SGPP1: variants seen among roughly 807,000 people sequenced by gnomAD.
The protein encoded by SGPP1 is sphingosine-1-phosphate phosphatase 1.
Under a neutral mutation model 33.0 loss-of-function variants are expected in SGPP1, and 21 were observed. The observed-to-expected ratio is 0.64, with a 90% CI of 0.45 to 0.92. The LOEUF (loss-of-function observed/expected upper bound fraction) is 0.92. SGPP1 is among the 40% of genes least tolerant of loss of function. SGPP1 has a pLI of 0.00. For missense variants in SGPP1, 543 were observed against 589.4 expected, an observed-to-expected ratio of 0.92 and a Z score of 0.81; for synonymous variants, 239 against 241.2, an observed-to-expected ratio of 0.99 and a Z score of 0.08.
Position 63,727,804 on chromosome 14 carries a change from C to T in SGPP1, c.141G>A (p.Ala47=), listed in dbSNP as rs1885922568. The T allele has an allele frequency of 1.3e-6, 2 of 1,506,276 alleles. No homozygotes were observed. The highest frequency in any genetic ancestry group is 1.4e-5 in the African/African-American group (1 of 69,344). The allele number at this position is 1,506,276 out of a possible 1,614,324, so 93.3% of individuals were successfully genotyped here. A position where few individuals can be genotyped will look rare whatever the true frequency, so the allele number is the denominator to read the frequency against. Residue 47 remains alanine, a synonymous_variant, in exon 1 of 3, where the codon GCG becomes GCA. Coordinates refer to ENST00000247225, the MANE Select transcript of SGPP1 (RefSeq NM_030791.4). ...ADRREDEKAE[A]PLAGDPRLRG... ...GCAGTCGAGGGTCTCCGGCGAGAGG[C>T]GCCTCCGCTTTCTCATCCTCCCTCC...
At chr14:63,706,499 T>C (rs1026080855) in intron 1 of SGPP1, among the ~76,000 whole-genome samples, 1 of 152,222 alleles carries the variant, frequency 6.6e-6, no homozygotes, top group Admixed American at 6.5e-5. Flanking sequence ...CCTCTACCAT[T>C]ATTACCTGCT....
rs550810456 is a variant in SGPP1 at position 63,704,595 on chromosome 14, A to G, written c.685-5937T>C. Among the ~76,000 whole-genome samples the G allele has an allele frequency of 1.0e-3, 154 of 152,288 alleles. No individual in the cohort carries two copies. The Middle Eastern group carries it at 0.01, about 10-fold the overall frequency. On this transcript the variant is annotated intron_variant, in intron 1 of 2. Transcript: ENST00000247225. ...CCGGGTGTAGTGACTCACACCTGTA[A>G]TTCTAGCACTTTGGGAGGCCAAGGC...
In SGPP1 at chr14:63,702,810, C is replaced by T. The variant is rs147123314; in HGVS notation, c.685-4152G>A. On this transcript the variant is annotated intron_variant, in intron 1 of 2. Coordinates refer to ENST00000247225, the MANE Select transcript of SGPP1 (RefSeq NM_030791.4). The stretch of plus-strand genomic sequence containing the variant: ...CCCCATTGAATAACAGAATTCTGAA[C>T]TTCTAAGTGTCAAAGTAAAAAAGAA... Among the ~76,000 whole-genome samples, 660 of 152,144 alleles carry T rather than the reference C, an allele frequency of 4.3e-3. 7 individuals are homozygous for T. The highest frequency in any genetic ancestry group is 0.015 in the African/African-American group (606 of 41,508).
At chr14:63,704,175 C>T (rs938845812) in intron 1 of SGPP1, among the ~76,000 whole-genome samples, 2 of 152,004 alleles carry the variant, frequency 1.3e-5, no homozygotes, top group African/African-American at 2.4e-5. Flanking sequence ...AAAAGCTGAT[C>T]CTCAAATTTA....
At chr14:63,707,841 A>AT (rs200561581) in intron 1 of SGPP1, among the ~76,000 whole-genome samples, 5 of 150,172 alleles carry the variant, frequency 3.3e-5, no homozygotes, top group Admixed American at 6.7e-5. Flanking sequence ...TTCTGTGCAG[A>AT]TTTTTTTTTT....
intron 1 of SGPP1, among the ~76,000 whole-genome samples, chr14:63,726,822 T>C (rs1048529457): frequency 3.3e-5 from 5 of 152,214 alleles, no homozygotes; most frequent in African/African-American, 1.2e-4. Flanking sequence ...TGTCTCACGG[T>C]AAAGCTAATG....
chr14:63,716,999 T>C (rs960088927), intron 1 of SGPP1, among the ~76,000 whole-genome samples: 1 of 152,134 alleles, frequency 6.6e-6, no homozygotes, highest in Non-Finnish European at 1.5e-5. Context: ...AGGACCCAAC[T>C]GTAATTTTTA....
In SGPP1 at chr14:63,686,607, T is replaced by C. The variant is rs1425091911; in HGVS notation, c.824A>G (p.Tyr275Cys). The C allele has an allele frequency of 2.5e-6, 4 of 1,613,572 alleles. No individual in the cohort carries two copies. The highest frequency in any genetic ancestry group is 2.2e-5 in the South Asian group (2 of 91,074). ...LYTILILAVF[Y>C]PFVDLIDNFN... The stretch of plus-strand genomic sequence containing the variant: ...GTTGTCAATCAGGTCCACAAATGGA[T>C]AGAAGACAGCTAAGATTAAAATGGT... Residue 275 changes from tyrosine to cysteine, a missense_variant, in exon 3 of 3, where the codon TAT becomes TGT. Tyr to Cys is a radical substitution (Grantham distance 194, BLOSUM62 -2). Transcript: ENST00000247225.
chr14:63,711,389 G>C (rs1885519651), intron 1 of SGPP1, among the ~76,000 whole-genome samples: 2 of 152,132 alleles, frequency 1.3e-5, no homozygotes, highest in African/African-American at 4.8e-5. Context: ...GTTCTCCAGA[G>C]AAACAGAACC....
chr14:63,727,132 G>A, intron 1 of SGPP1, 129 bp downstream of exon 1: 2 of 1,393,698 alleles, frequency 1.4e-6, no homozygotes, highest in East Asian at 2.6e-5. Flanking sequence ...CTGTTTGCGA[G>A]TATTGTGAAA....
At chr14:63,724,637 A>G (rs1488551740) in intron 1 of SGPP1, among the ~76,000 whole-genome samples, 2 of 149,536 alleles carry the variant, frequency 1.3e-5, no homozygotes, top group African/African-American at 5.0e-5. Context: ...AAAAAAAAAA[A>G]AAAAGGAAAA....
In SGPP1 at chr14:63,727,609, C is replaced by A. The variant is rs370251232; in HGVS notation, c.336G>T (p.Ser112=). ...CCAGCTGGCCCTCCTCGCCCGTCAGCGAGTTGCGGCGCAGAGCGCCCGCGC... is the reference window on the plus strand; with the variant it reads ...CCAGCTGGCCCTCCTCGCCCGTCAGAGAGTTGCGGCGCAGAGCGCCCGCGC... The part of the protein sequence containing the change: ...PRRAGALRRN[S]LTGEEGQLAR... Residue 112 remains serine, a synonymous_variant, in exon 1 of 3, where the codon TCG becomes TCT. Coordinates refer to ENST00000247225, the MANE Select transcript of SGPP1 (RefSeq NM_030791.4). 6.9e-4 allele frequency: 1,048 copies of A among 1,521,572 alleles called. 1 individual carries two copies. The highest frequency in any genetic ancestry group is 8.6e-4 in the Non-Finnish European group (985 of 1,141,116). The allele number at this position is 1,521,572 out of a possible 1,614,324, so 94.3% of individuals were successfully genotyped here. A position where few individuals can be genotyped will look rare whatever the true frequency, so the allele number is the denominator to read the frequency against.
intron 1 of SGPP1, among the ~76,000 whole-genome samples, chr14:63,709,341 T>C (rs1259212325): frequency 6.8e-6 from 1 of 147,060 alleles, no homozygotes; most frequent in Non-Finnish European, 1.5e-5. Flanking sequence ...GCCATTGCAC[T>C]CCAGCCTGGG....
At chr14:63,726,907 T>TA (rs1245713150) in intron 1 of SGPP1, among the ~76,000 whole-genome samples, 3 of 152,330 alleles carry the variant, frequency 2.0e-5, no homozygotes, top group East Asian at 3.9e-4. Flanking sequence ...TTAGTTTACA[T>TA]AGCGATTATT....
intron 1 of SGPP1, among the ~76,000 whole-genome samples, chr14:63,718,717 T>C (rs1885683494): frequency 6.6e-6 from 1 of 151,440 alleles, no homozygotes; most frequent in African/African-American, 2.4e-5. Flanking sequence ...CCTATAAATA[T>C]ATGCCTACTA....
chr14:63,697,165 C>T lies in SGPP1; in HGVS notation c.774+1404G>A, dbSNP rs566030093. Among the ~76,000 whole-genome samples the T allele has an allele frequency of 2.0e-5, 3 of 152,128 alleles. No homozygotes were observed. In the South Asian group the frequency reaches 6.2e-4, roughly 32 times the overall value. ...TGCAAACAAATCTGCTTATGTACCC[C>T]TTGAATCTAAAATTAAAATTTAAAA... On this transcript the variant is annotated intron_variant, in intron 2 of 2. Coordinates refer to ENST00000247225, the MANE Select transcript of SGPP1 (RefSeq NM_030791.4).
intron 1 of SGPP1, among the ~76,000 whole-genome samples, chr14:63,716,526 ATTAAAAAAT>A (rs1885630377): frequency 6.6e-6 from 1 of 151,780 alleles, no homozygotes; most frequent in Non-Finnish European, 1.5e-5. Flanking sequence ...AAAATATAAA[ATTAAAAAAT>A]TTAAAAAATT....
chr14:63,702,519 G>A (rs1049050958), intron 1 of SGPP1, among the ~76,000 whole-genome samples: 2 of 152,028 alleles, frequency 1.3e-5, no homozygotes, highest in Non-Finnish European at 2.9e-5. Flanking sequence ...AGACCAGCCT[G>A]GCCAACAGGA....
chr14:63,721,072 G>A (rs889924020), intron 1 of SGPP1, among the ~76,000 whole-genome samples: 22 of 152,082 alleles, frequency 1.4e-4, no homozygotes, highest in Admixed American at 1.0e-3. Context: ...TAATAGACAC[G>A]GGGTTTCACC....
Sources: gnomAD v4.1 joint callset for allele counts (sites outside exome capture counted in the v4.1 genomes callset) on GRCh38, gnomAD v4.1.1 for gene constraint, MANE v1.5 for transcripts, NCBI Gene and HGNC (gene_info 2026-07-23, HGNC 2026-07-21) for gene names.